The following GRIK1 variants were observed in gnomAD, a reference collection of about 807,000 sequenced individuals.
GRIK1 encodes glutamate receptor ionotropic, kainate 1.
GRIK1 carries 69 observed loss-of-function variants against 105.7 expected under a neutral mutation model. That is an observed-to-expected ratio of 0.65 (90% CI 0.54 to 0.80). The LOEUF is 0.80. Among genes scored for constraint, GRIK1 ranks in the 30% least tolerant of loss-of-function variants. The pLI is 0.00. For synonymous variants in GRIK1, 438 were observed against 431.3 expected (o/e 1.02, Z -0.19); for missense variants, 1,109 against 1,167.3 (o/e 0.95, Z 0.73).
chr21:29,828,473 C>A (rs55912487), intron 1 of GRIK1, among the ~76,000 whole-genome samples: 1 of 151,762 alleles, frequency 6.6e-6, no homozygotes, highest in East Asian at 1.9e-4. Context: ...GGTGAAAGCA[C>A]TTTATATTAT....
intron 1 of GRIK1, among the ~76,000 whole-genome samples, chr21:29,839,700 T>A (rs80002580): frequency 0.047 from 7,212 of 152,170 alleles, 194 homozygotes; most frequent in Non-Finnish European, 0.064. Flanking sequence ...TCAGACCATA[T>A]CTGGAGTAAG....
intron 1 of GRIK1, among the ~76,000 whole-genome samples, chr21:29,931,962 A>C (rs2071582319): frequency 6.6e-6 from 1 of 152,164 alleles, no homozygotes; most frequent in African/African-American, 2.4e-5. Context: ...AATTGATGAT[A>C]ACTGATGGTA....
At chr21:29,675,322 G>A (rs1459839531) in intron 3 of GRIK1, among the ~76,000 whole-genome samples, 1 of 152,034 alleles carries the variant, frequency 6.6e-6, no homozygotes, top group Non-Finnish European at 1.5e-5. Flanking sequence ...GGCTGCCTGA[G>A]TTTCTCTCCT....
At chr21:29,776,114 C>T (rs1257179329) in intron 1 of GRIK1, among the ~76,000 whole-genome samples, 1 of 152,312 alleles carries the variant, frequency 6.6e-6, no homozygotes, top group Admixed American at 6.5e-5. Context: ...AACTCTCTCA[C>T]TGTCATGAAT....
chr21:29,716,583 A>G (rs1226661494), intron 1 of GRIK1, among the ~76,000 whole-genome samples: 1 of 152,152 alleles, frequency 6.6e-6, no homozygotes, highest in East Asian at 1.9e-4. Context: ...AACAAAGGTG[A>G]TCCTTGCTAT....
At chr21:29,542,957 C>T (rs2089994535) in intron 16 of GRIK1, among the ~76,000 whole-genome samples, 1 of 152,128 alleles carries the variant, frequency 6.6e-6, no homozygotes, top group South Asian at 2.1e-4. Flanking sequence ...ATATTATTGT[C>T]ATTGTATAGA....
chr21:29,578,248 G>C (rs1386355305), intron 13 of GRIK1, among the ~76,000 whole-genome samples: 5 of 152,164 alleles, frequency 3.3e-5, no homozygotes, highest in African/African-American at 1.2e-4. Flanking sequence ...GATAAAAAGT[G>C]AAAGAAAAAC....
intron 1 of GRIK1, among the ~76,000 whole-genome samples, chr21:29,760,632 A>T (rs1035166752): frequency 4.6e-5 from 7 of 152,218 alleles, no homozygotes; most frequent in African/African-American, 1.7e-4. Flanking sequence ...CGGAGATTTT[A>T]ATTCTCTGTA....
intron 7 of GRIK1, among the ~76,000 whole-genome samples, chr21:29,613,465 T>G (rs981079330): frequency 1.8e-4 from 27 of 152,222 alleles, no homozygotes; most frequent in African/African-American, 5.8e-4. Context: ...GCTCAAAGCT[T>G]GTCAGCTCCA....
intron 1 of GRIK1, among the ~76,000 whole-genome samples, chr21:29,823,835 C>G (rs2067371323): frequency 6.6e-6 from 1 of 151,918 alleles, no homozygotes; most frequent in Non-Finnish European, 1.5e-5. Context: ...AAGCTTCTTT[C>G]AGCTCTCCCA....
intron 1 of GRIK1, among the ~76,000 whole-genome samples, chr21:29,846,463 G>GAGAAGAAAGAA (rs2068122546): frequency 1.6e-5 from 2 of 127,908 alleles, no homozygotes. Context: ...GAAAGAGAGA[G>GAGAAGAAAGAA]AGAAAGAAAG....
chr21:29,939,047 C>T (rs2071874597), intron 1 of GRIK1, among the ~76,000 whole-genome samples: 1 of 152,160 alleles, frequency 6.6e-6, no homozygotes, highest in African/African-American at 2.4e-5. Flanking sequence ...CTCATTTCTG[C>T]GCCCAACTCA....
chr21:29,866,068 C>T, intron 1 of GRIK1, among the ~76,000 whole-genome samples: 1 of 148,402 alleles, frequency 6.7e-6, no homozygotes, highest in African/African-American at 2.5e-5. Flanking sequence ...AGAGTTTTTA[C>T]TTTTTTTTTT....
intron 7 of GRIK1, among the ~76,000 whole-genome samples, chr21:29,607,795 T>G (rs1225802311): frequency 1.3e-5 from 2 of 152,196 alleles, no homozygotes; most frequent in Non-Finnish European, 2.9e-5. Flanking sequence ...TAAAACTTCT[T>G]ATACTGGTTT....
chr21:29,866,967 C>T (rs897256821), intron 1 of GRIK1, among the ~76,000 whole-genome samples: 23 of 152,160 alleles, frequency 1.5e-4, no homozygotes, highest in African/African-American at 5.5e-4. Context: ...AGCATGTGAG[C>T]CTCACATATT....
At chr21:29,777,587 AG>A (rs1190558563) in intron 1 of GRIK1, among the ~76,000 whole-genome samples, 3 of 152,198 alleles carry the variant, frequency 2.0e-5, no homozygotes, top group African/African-American at 7.2e-5. Flanking sequence ...TTTGGAGCAT[AG>A]AGTGTTAAGG....
intron 13 of GRIK1, among the ~76,000 whole-genome samples, chr21:29,579,989 ATATATATG>A (rs952586219): frequency 3.9e-4 from 46 of 116,508 alleles, no homozygotes; most frequent in African/African-American, 4.9e-4. Flanking sequence ...ATATGTGTGT[ATATATATG>A]TATATATATG....
chr21:29,697,597 A>T (rs562621528), intron 1 of GRIK1, among the ~76,000 whole-genome samples: 1 of 152,260 alleles, frequency 6.6e-6, no homozygotes, highest in Non-Finnish European at 1.5e-5. Context: ...CTGTGGTATG[A>T]GGTAAATAGA....
At position 29,537,198 on chromosome 21, in the gene GRIK1, A is replaced by C. The variant is rs765763159; in HGVS notation, c.*32T>G. 1 of 1,524,454 alleles carries C rather than the reference A, an allele frequency of 6.6e-7. No individual in the cohort carries two copies. Among genetic ancestry groups the C allele is most frequent in the South Asian group, 1.3e-5 (1 of 77,334 alleles). The allele number at this position is 1,524,454 out of a possible 1,614,324, so 94.4% of individuals were successfully genotyped here. A position where few individuals can be genotyped will look rare whatever the true frequency, so the allele number is the denominator to read the frequency against. ...TTCTCCAAAAATCTGTAGGGAATGC[A>C]TCCTTTTTCTTCCTACAGGCGTTTC... On this transcript the variant is annotated 3_prime_UTR_variant, in exon 18 of 18. Transcript: ENST00000327783.
Sources: allele counts gnomAD v4.1 joint callset (sites outside exome capture counted in the v4.1 genomes callset), GRCh38; gene constraint gnomAD v4.1.1; transcripts MANE v1.5; gene names NCBI Gene and HGNC (gene_info 2026-07-23, HGNC 2026-07-21).